The following NBAS variants were observed in gnomAD, a reference collection of about 807,000 sequenced individuals.
The protein encoded by NBAS is NAG/BC035112 fusion.
Under a neutral mutation model 302.5 loss-of-function variants are expected in NBAS, and 219 were observed. That is an observed-to-expected ratio of 0.72 (90% CI 0.65 to 0.81). The LOEUF (loss-of-function observed/expected upper bound fraction) is 0.81. NBAS is among the 30% of genes least tolerant of loss of function. The pLI is 0.00. For missense variants in NBAS, 2,932 were observed against 2,841.6 expected (o/e 1.03, Z -0.72); for synonymous variants, 1,118 against 1,021.6 (o/e 1.09, Z -1.80).
intron 9 of NBAS, 122 bp downstream of exon 9, chr2:15,534,421 G>A: frequency 2.5e-6 from 2 of 786,964 alleles, no homozygotes; most frequent in Non-Finnish European, 4.5e-6. Flanking sequence ...AGATATTAAA[G>A]ATAACTACGC....
intron 21 of NBAS, among the ~76,000 whole-genome samples, chr2:15,453,432 T>A (rs1679109601): frequency 6.6e-6 from 1 of 152,194 alleles, no homozygotes. Flanking sequence ...AGATGGGGAC[T>A]AGGTATATAC....
the NBAS span, among the ~76,000 whole-genome samples, chr2:15,151,236 A>G: frequency 6.6e-6 from 1 of 152,346 alleles, no homozygotes; most frequent in East Asian, 1.9e-4. Context: ...AGTGAAAAAC[A>G]AGGGGCCAAT....
intron 9 of NBAS, among the ~76,000 whole-genome samples, chr2:15,514,613 AAT>A (rs1662302386): frequency 6.8e-6 from 1 of 146,734 alleles, no homozygotes; most frequent in South Asian, 2.1e-4. Context: ...TGATAACTGA[AAT>A]AATGTCACTT....
chr2:15,425,237 C>G (rs1438326324), intron 22 of NBAS, among the ~76,000 whole-genome samples: 1 of 152,036 alleles, frequency 6.6e-6, no homozygotes, highest in Non-Finnish European at 1.5e-5. Flanking sequence ...GATAGTCATT[C>G]ATCTAAAGCA....
chr2:15,208,140 A>G (rs796884456), intron 48 of NBAS, among the ~76,000 whole-genome samples: 4 of 152,344 alleles, frequency 2.6e-5, no homozygotes, highest in African/African-American at 9.6e-5. Context: ...ATAACGAAAA[A>G]GAGGTTTAAT....
rs551397789 is a variant in NBAS at position 15,245,659 on chromosome 2, A to G, written c.5725-6973T>C. On this transcript the variant is annotated intron_variant, in intron 44 of 51. Transcript: ENST00000281513. ...GATGGATGGATGGACGGACGGACGG[A>G]CGGATGGATGGATGGATGACACTGT... 2.0e-5 allele frequency among the ~76,000 whole-genome samples: 3 copies of G among 152,152 alleles called. No individual in the cohort carries two copies. In the South Asian group the frequency reaches 6.2e-4, roughly 32 times the overall value.
chr2:14,783,450 C>A, the NBAS span, among the ~76,000 whole-genome samples: 2 of 146,934 alleles, frequency 1.4e-5, no homozygotes, highest in Non-Finnish European at 3.0e-5. Flanking sequence ...AGGTATATCT[C>A]CTAATGCTAT....
At chr2:14,901,584 T>C in the NBAS span, among the ~76,000 whole-genome samples, 1 of 152,014 alleles carries the variant, frequency 6.6e-6, no homozygotes, top group Admixed American at 6.6e-5. Context: ...TAACAATAAA[T>C]GAGAACAGCT....
At chr2:14,783,488 A>C in the NBAS span, among the ~76,000 whole-genome samples, 1 of 106,046 alleles carries the variant, frequency 9.4e-6, no homozygotes, top group Non-Finnish European at 1.8e-5. Context: ...ACCCCGCAAC[A>C]GTCCCCAGAG....
chr2:15,188,789 A>T (rs2125136478), intron 49 of NBAS, among the ~76,000 whole-genome samples: 1 of 152,342 alleles, frequency 6.6e-6, no homozygotes, highest in South Asian at 2.1e-4. Flanking sequence ...CTAAAAGTAA[A>T]AGAAACTGTA....
At chr2:15,089,072 T>G in the NBAS span, among the ~76,000 whole-genome samples, 1,059 of 152,286 alleles carry the variant, frequency 7.0e-3, 14 homozygotes, top group African/African-American at 0.024. Flanking sequence ...CTCCCACAAA[T>G]CCTTCAAACT....
chr2:15,431,594 T>A (rs557132069), intron 21 of NBAS, among the ~76,000 whole-genome samples: 2 of 152,200 alleles, frequency 1.3e-5, no homozygotes, highest in Non-Finnish European at 2.9e-5. Flanking sequence ...AACAAAAAAA[T>A]TTTAAAATGA....
the NBAS span, among the ~76,000 whole-genome samples, chr2:15,028,810 C>A: frequency 6.6e-6 from 1 of 152,212 alleles, no homozygotes; most frequent in Non-Finnish European, 1.5e-5. Flanking sequence ...AGGTCCTAGA[C>A]TCTATCACAT....
the NBAS span, among the ~76,000 whole-genome samples, chr2:15,136,552 G>C: frequency 2.6e-5 from 4 of 152,158 alleles, no homozygotes; most frequent in Non-Finnish European, 5.9e-5. Context: ...CTGGTGTTTT[G>C]GTGTGAATGT....
chr2:15,274,383 T>C (rs183812628), intron 44 of NBAS, among the ~76,000 whole-genome samples: 20 of 152,310 alleles, frequency 1.3e-4, no homozygotes, highest in Non-Finnish European at 2.4e-4. Flanking sequence ...GATAGGGTAC[T>C]GGGCAGACCT....
intron 26 of NBAS, chr2:15,397,923 G>A (rs1490577203): frequency 5.7e-6 from 1 of 174,456 alleles, no homozygotes; most frequent in African/African-American, 2.4e-5. Flanking sequence ...CTATCTGCCT[G>A]GTCTAAATGT....
chr2:15,284,410 G>A (rs1351765933), intron 42 of NBAS, among the ~76,000 whole-genome samples: 1 of 152,100 alleles, frequency 6.6e-6, no homozygotes, highest in Admixed American at 6.6e-5. Flanking sequence ...ACACCAATAG[G>A]ATTTGTTTGA....
the NBAS span, among the ~76,000 whole-genome samples, chr2:14,909,366 TAAAAAAAAA>T: frequency 3.8e-5 from 3 of 78,582 alleles, no homozygotes; most frequent in Non-Finnish European, 7.3e-5. Context: ...GGAGAGTTTC[TAAAAAAAAA>T]AAAAAAAAAA....
At chr2:15,098,985 A>G in the NBAS span, among the ~76,000 whole-genome samples, 1 of 151,714 alleles carries the variant, frequency 6.6e-6, no homozygotes, top group African/African-American at 2.4e-5. Context: ...ACACACACAC[A>G]CACATATATA....
Sources: gnomAD v4.1 joint callset for allele counts (sites outside exome capture counted in the v4.1 genomes callset) on GRCh38, gnomAD v4.1.1 for gene constraint, MANE v1.5 for transcripts, NCBI Gene and HGNC (gene_info 2026-07-23, HGNC 2026-07-21) for gene names.